Variants in KIF16B observed in about 807,000 individuals in gnomAD.
The protein encoded by KIF16B is kinesin-like protein KIF16B.
A neutral mutation model predicts 156.3 loss-of-function variants in KIF16B; 98 were observed. That is an observed-to-expected ratio of 0.63 (90% CI 0.53 to 0.74). KIF16B has a LOEUF of 0.74. Ranked by LOEUF, KIF16B falls within the 30% of genes least tolerant of loss-of-function variation. The pLI, the probability that KIF16B is intolerant of heterozygous loss-of-function variation, is 0.00. For synonymous variants in KIF16B, 564 were observed against 583.7 expected, an observed-to-expected ratio of 0.97 and a Z score of 0.49; for missense variants, 1,421 against 1,606.5, an observed-to-expected ratio of 0.88 and a Z score of 1.97.
intron 17 of KIF16B, among the ~76,000 whole-genome samples, chr20:16,396,648 C>CTTCTTTTTT (rs549708653): frequency 2.4e-5 from 3 of 124,672 alleles, no homozygotes; most frequent in African/African-American, 5.7e-5. Context: ...ACTGTAGTCG[C>CTTCTTTTTT]TTTTTTTTTT....
intron 15 of KIF16B, among the ~76,000 whole-genome samples, chr20:16,415,732 T>C (rs757349704): frequency 2.6e-5 from 4 of 152,152 alleles, no homozygotes; most frequent in Admixed American, 6.5e-5. Flanking sequence ...ACTTTTTCAC[T>C]ATATGCCATT....
intron 24 of KIF16B, among the ~76,000 whole-genome samples, chr20:16,317,196 A>G (rs2063710521): frequency 6.6e-6 from 1 of 152,186 alleles, no homozygotes. Flanking sequence ...AACAGAACAG[A>G]TATTCTAGTT....
chr20:16,560,848 C>T (rs911056502), intron 1 of KIF16B, among the ~76,000 whole-genome samples: 3 of 152,072 alleles, frequency 2.0e-5, no homozygotes, highest in African/African-American at 7.2e-5. Context: ...GTCACTCTGA[C>T]GGCATGATGT....
chr20:16,372,453 T>C (rs897760171), intron 20 of KIF16B, among the ~76,000 whole-genome samples: 2 of 152,216 alleles, frequency 1.3e-5, no homozygotes, highest in African/African-American at 4.8e-5. Flanking sequence ...ACTTATTATC[T>C]GATATCTCAT....
In KIF16B at chr20:16,554,215, G is replaced by A. The variant is rs116602074; in HGVS notation, c.47+19014C>T. On this transcript the variant is annotated intron_variant, in intron 1 of 25. Transcript: ENST00000354981. ...GAGTGGGAACTTGTGGTTTTTTGCCGGGCCCACCCATAGCCACCTATGGAC... is the reference window on the plus strand; with the variant it reads ...GAGTGGGAACTTGTGGTTTTTTGCCAGGCCCACCCATAGCCACCTATGGAC... Among the ~76,000 whole-genome samples, 684 of 152,176 alleles carry A rather than the reference G, an allele frequency of 4.5e-3. 4 individuals carry two copies. The highest frequency in any genetic ancestry group is 0.015 in the African/African-American group (606 of 41,538).
At chr20:16,567,825 G>A (rs763462896) in intron 1 of KIF16B, among the ~76,000 whole-genome samples, 14 of 152,116 alleles carry the variant, frequency 9.2e-5, no homozygotes, top group Non-Finnish European at 1.8e-4. Flanking sequence ...GGTGGCGGGC[G>A]CCTGTAGTCC....
chr20:16,528,038 GT>G (rs1281337201), intron 2 of KIF16B, among the ~76,000 whole-genome samples: 1 of 152,044 alleles, frequency 6.6e-6, no homozygotes, highest in Non-Finnish European at 1.5e-5. Flanking sequence ...CTTATTTAAT[GT>G]TCACAGAACA....
intron 23 of KIF16B, 100 bp downstream of exon 23, chr20:16,356,230 T>C (rs2064438887): frequency 6.9e-7 from 1 of 1,446,110 alleles, no homozygotes; most frequent in Non-Finnish European, 9.6e-7. Flanking sequence ...AAACAGGATA[T>C]TCACATGCAG....
At chr20:16,296,262 G>C (rs186145142) in intron 25 of KIF16B, among the ~76,000 whole-genome samples, 5 of 152,316 alleles carry the variant, frequency 3.3e-5, no homozygotes, top group Admixed American at 2.0e-4. Context: ...TGCTCCTTTT[G>C]TCTACGCCAC....
chr20:16,365,150 T>C (rs927613795), intron 22 of KIF16B, among the ~76,000 whole-genome samples: 2 of 152,110 alleles, frequency 1.3e-5, no homozygotes, highest in Admixed American at 6.6e-5. Flanking sequence ...AGTATAACTC[T>C]TTTTCTTATC....
intron 25 of KIF16B, among the ~76,000 whole-genome samples, chr20:16,280,881 A>G (rs2063137933): frequency 1.0e-5 from 1 of 99,746 alleles, no homozygotes; most frequent in African/African-American, 4.4e-5. Context: ...CAGAAAATGC[A>G]AGCATGAGAA....
At chr20:16,477,300 G>A (rs2067847999) in intron 12 of KIF16B, among the ~76,000 whole-genome samples, 1 of 149,892 alleles carries the variant, frequency 6.7e-6, no homozygotes. Context: ...CTATGAAGAT[G>A]ATGATCTCTA....
At chr20:16,396,782 G>C (rs1434505480) in intron 17 of KIF16B, among the ~76,000 whole-genome samples, 1 of 151,866 alleles carries the variant, frequency 6.6e-6, no homozygotes, top group African/African-American at 2.4e-5. Flanking sequence ...TCTGAGTTAG[G>C]GGCCTTCCGT....
In KIF16B at chr20:16,379,991, C is replaced by T; in HGVS notation, c.2011G>A (p.Asp671Asn). ...RSFHIENKLKDLLAEKEKFEE... is the reference protein window; with the variant it reads ...RSFHIENKLKNLLAEKEKFEE... ...AATTTTTCCTTCTCCGCAAGTAAAT[C>T]CTTTAGCTTGTTCTCGATGTGGAAG... is the stretch of plus-strand genomic sequence containing the variant. Residue 671 changes from aspartate to asparagine, a missense_variant, in exon 19 of 26, where the codon GAT becomes AAT. By Grantham distance (23) the Asp-to-Asn change is conservative. Transcript: ENST00000354981. The T allele has an allele frequency of 1.9e-6, 3 of 1,610,194 alleles. No homozygotes were observed. Among genetic ancestry groups the T allele is most frequent in the Non-Finnish European group, 2.5e-6 (3 of 1,178,792 alleles).
intron 24 of KIF16B, among the ~76,000 whole-genome samples, chr20:16,334,259 A>T (rs1196437263): frequency 6.6e-6 from 1 of 152,244 alleles, no homozygotes; most frequent in Non-Finnish European, 1.5e-5. Flanking sequence ...GTCCGTTATT[A>T]AAATACTGAT....
At chr20:16,273,448 G>T (rs2063011970) in intron 25 of KIF16B, 37 bp from the exon 26 acceptor site, 2 of 1,598,710 alleles carry the variant, frequency 1.3e-6, no homozygotes, top group South Asian at 1.1e-5. Context: ...ATGGTCAATT[G>T]GGAGGTCAAG....
chr20:16,482,657 C>T (rs2068012674), intron 12 of KIF16B, among the ~76,000 whole-genome samples: 6 of 152,148 alleles, frequency 3.9e-5, no homozygotes, highest in Admixed American at 3.3e-4. Flanking sequence ...CACCACAGTA[C>T]AGATATTCAG....
At chr20:16,301,169 C>A (rs114761530) in intron 25 of KIF16B, among the ~76,000 whole-genome samples, 1 of 152,166 alleles carries the variant, frequency 6.6e-6, no homozygotes, top group South Asian at 2.1e-4. Flanking sequence ...CTTGAAAGCT[C>A]GTTTCTTTTT....
chr20:16,401,781 A>T (rs924463191), intron 17 of KIF16B, among the ~76,000 whole-genome samples: 58 of 152,160 alleles, frequency 3.8e-4, no homozygotes, highest in Admixed American at 2.5e-3. Flanking sequence ...CCTTGATTCT[A>T]CTTTGCTCCA....
Sources: gnomAD v4.1 joint callset for allele counts (sites outside exome capture counted in the v4.1 genomes callset) on GRCh38, gnomAD v4.1.1 for gene constraint, MANE v1.5 for transcripts, NCBI Gene and HGNC (gene_info 2026-07-23, HGNC 2026-07-21) for gene names.